NUBPL: variants seen among roughly 807,000 people sequenced by gnomAD.
The protein encoded by NUBPL is NUBP iron-sulfur cluster assembly factor, mitochondrial, also known as iron-sulfur cluster transfer protein NUBPL.
NUBPL carries 31 observed loss-of-function variants against 45.7 expected under a neutral mutation model. The observed-to-expected ratio is 0.68, with a 90% confidence interval of 0.51 to 0.92. The LOEUF is 0.92. NUBPL is among the 40% of genes least tolerant of loss of function. The pLI, the probability that NUBPL is intolerant of heterozygous loss-of-function variation, is 0.00. For synonymous variants in NUBPL, 144 were observed against 140.9 expected (o/e 1.02, Z -0.15); for missense variants, 401 against 398.7 (o/e 1.01, Z -0.05).
At chr14:31,650,973 T>G (rs1181750559) in intron 4 of NUBPL, among the ~76,000 whole-genome samples, 1 of 152,154 alleles carries the variant, frequency 6.6e-6, no homozygotes, top group East Asian at 1.9e-4. Flanking sequence ...TAGAGCTTAC[T>G]CATTACCATG....
At chr14:31,809,608 C>T (rs1451139348) in intron 7 of NUBPL, among the ~76,000 whole-genome samples, 1 of 152,128 alleles carries the variant, frequency 6.6e-6, no homozygotes, top group Non-Finnish European at 1.5e-5. Flanking sequence ...TTTTGTGTCT[C>T]TATTTCCTTC....
chr14:31,600,386 C>T (rs902096794), intron 4 of NUBPL, among the ~76,000 whole-genome samples: 2 of 152,134 alleles, frequency 1.3e-5, no homozygotes, highest in Non-Finnish European at 2.9e-5. Context: ...CACTCACACA[C>T]CCACACTCAT....
chr14:31,709,476 C>T (rs1363462195), intron 6 of NUBPL, among the ~76,000 whole-genome samples: 3 of 152,186 alleles, frequency 2.0e-5, no homozygotes, highest in African/African-American at 7.2e-5. Flanking sequence ...GGGATTTTGC[C>T]CCTTTCTTCA....
intron 6 of NUBPL, among the ~76,000 whole-genome samples, chr14:31,787,017 G>T (rs2039297322): frequency 2.0e-5 from 3 of 152,140 alleles, no homozygotes. Context: ...GAGAGAAGTG[G>T]GTGTGTTTGA....
chr14:31,582,004 G>C (rs1287506866), intron 3 of NUBPL, among the ~76,000 whole-genome samples: 1 of 152,090 alleles, frequency 6.6e-6, no homozygotes, highest in African/African-American at 2.4e-5. Flanking sequence ...GTTTTAAGCA[G>C]TTATTTGCTT....
At chr14:31,787,142 C>T (rs561214257) in intron 6 of NUBPL, among the ~76,000 whole-genome samples, 112 of 152,202 alleles carry the variant, frequency 7.4e-4, no homozygotes, top group Non-Finnish European at 1.0e-3. Flanking sequence ...TTAATAGAGA[C>T]TAGGGACTCA....
chr14:31,577,950 CTTTCACAAGG>C (rs773313433), intron 3 of NUBPL: 67 of 1,288,784 alleles, frequency 5.2e-5, no homozygotes, highest in Non-Finnish European at 6.3e-5. Flanking sequence ...GTGACCATGA[CTTTCACAAGG>C]TCGGGGACTG....
chr14:31,627,136 T>C (rs115869803), intron 4 of NUBPL, among the ~76,000 whole-genome samples: 3 of 152,344 alleles, frequency 2.0e-5, no homozygotes, highest in Admixed American at 1.3e-4. Flanking sequence ...TTTTCATTAG[T>C]ATTTTATCAG....
At chr14:31,661,100 A>G (rs1293679599) in intron 4 of NUBPL, among the ~76,000 whole-genome samples, 1 of 152,234 alleles carries the variant, frequency 6.6e-6, no homozygotes, top group African/African-American at 2.4e-5. Context: ...GTTACATACA[A>G]AAGATTAATT....
chr14:31,813,500 T>A (rs2039855340), intron 7 of NUBPL, among the ~76,000 whole-genome samples: 1 of 151,262 alleles, frequency 6.6e-6, no homozygotes, highest in Non-Finnish European at 1.5e-5. Flanking sequence ...CACATACATA[T>A]ATACAGATAT....
chr14:31,840,740 T>C (rs2040357989), intron 8 of NUBPL, among the ~76,000 whole-genome samples: 1 of 152,126 alleles, frequency 6.6e-6, no homozygotes. Context: ...GAGAGTAGAA[T>C]GGTGGTTACC....
intron 7 of NUBPL, among the ~76,000 whole-genome samples, chr14:31,808,659 T>C (rs1428019798): frequency 6.6e-6 from 1 of 152,190 alleles, no homozygotes; most frequent in Non-Finnish European, 1.5e-5. Flanking sequence ...CACTGTTGAA[T>C]AGGAGTGGCG....
At chr14:31,643,978 G>C (rs4981107) in intron 4 of NUBPL, among the ~76,000 whole-genome samples, 151,862 of 152,138 alleles carry the variant, frequency 1, 75,794 homozygotes, top group Middle Eastern at 1. Flanking sequence ...TCTGTGGTTT[G>C]AGTTGTTATA....
intron 6 of NUBPL, 47 bp downstream of exon 6, chr14:31,673,621 G>A: frequency 1.3e-6 from 2 of 1,496,204 alleles, no homozygotes; most frequent in Non-Finnish European, 1.9e-6. Context: ...CAAAGCTGTG[G>A]TTAATACATT....
At position 31,673,268 on chromosome 14, in the gene NUBPL, T is replaced by C. The variant is rs1374182817; in HGVS notation, c.383-87T>C. ...GCAATTTTTGTTAATTAAAAAAATTTTTAAAAAGATGAAAAAAAAACCCAA... is the reference window on the plus strand; with the variant it reads ...GCAATTTTTGTTAATTAAAAAAATTCTTAAAAAGATGAAAAAAAAACCCAA... On this transcript the variant is annotated intron_variant, in intron 4 of 10. Coordinates refer to ENST00000281081, the MANE Select transcript of NUBPL (RefSeq NM_025152.3). The C allele has an allele frequency of 4.2e-6, 5 of 1,192,034 alleles. No homozygotes were observed. The African/African-American group carries it at 7.9e-5, about 19-fold the overall frequency. 73.8% of individuals were successfully genotyped at this position (1,192,034 alleles called of 1,614,324 possible).
chr14:31,750,201 G>A (rs1400610843), intron 6 of NUBPL, among the ~76,000 whole-genome samples: 2 of 146,548 alleles, frequency 1.4e-5, no homozygotes, highest in African/African-American at 5.1e-5. Flanking sequence ...TTGAGACGGA[G>A]TCTTGCTCTG....
chr14:31,728,235 C>T (rs1460688739), intron 6 of NUBPL, among the ~76,000 whole-genome samples: 1 of 151,838 alleles, frequency 6.6e-6, no homozygotes, highest in Admixed American at 6.6e-5. Context: ...TTCCCATAAA[C>T]CCAAGTGAGG....
chr14:31,693,730 A>T (rs901730354), intron 6 of NUBPL, among the ~76,000 whole-genome samples: 1 of 151,268 alleles, frequency 6.6e-6, no homozygotes, highest in Non-Finnish European at 1.5e-5. Context: ...ACATTAAGGA[A>T]TGAGGAACAT....
In NUBPL at chr14:31,758,139, A is replaced by G. The variant is rs151266168; in HGVS notation, c.514-29641A>G. 5.9e-5 allele frequency among the ~76,000 whole-genome samples: 9 copies of G among 152,234 alleles called. No individual in the cohort carries two copies. In the East Asian group the frequency reaches 1.7e-3, roughly 29 times the overall value. ...TTATATTTATTGATAGTTTCCATCC[A>G]TTAGAGTGTAAGTTCCATGGTGGTG... is the stretch of plus-strand genomic sequence containing the variant. On this transcript the variant is annotated intron_variant, in intron 6 of 10. Transcript: ENST00000281081.
Sources: gnomAD v4.1 joint callset for allele counts (sites outside exome capture counted in the v4.1 genomes callset) on GRCh38, gnomAD v4.1.1 for gene constraint, MANE v1.5 for transcripts, NCBI Gene and HGNC (gene_info 2026-07-23, HGNC 2026-07-21) for gene names.